The following NR3C2 variants were observed in gnomAD, a reference collection of about 807,000 sequenced individuals.
NR3C2 encodes the protein mineralocorticoid receptor.
In NR3C2, 15 loss-of-function variants were observed where a neutral mutation model predicts 86.4. That is an observed-to-expected ratio of 0.17 (90% CI 0.12 to 0.27). NR3C2 has a LOEUF of 0.27. NR3C2 is among the 10% of genes least tolerant of loss of function. NR3C2 has a pLI of 1.00. For synonymous variants in NR3C2, 458 were observed against 450.5 expected, an observed-to-expected ratio of 1.02 and a Z score of -0.21; for missense variants, 960 against 1,195.6, an observed-to-expected ratio of 0.80 and a Z score of 2.91.
chr4:148,428,850 C>T (rs1281803441), intron 2 of NR3C2, among the ~76,000 whole-genome samples: 1 of 152,144 alleles, frequency 6.6e-6, no homozygotes, highest in South Asian at 2.1e-4. Flanking sequence ...TAAGGTTTCC[C>T]CAAGTGCACT....
At chr4:148,331,544 T>C (rs1744237213) in intron 2 of NR3C2, among the ~76,000 whole-genome samples, 1 of 152,168 alleles carries the variant, frequency 6.6e-6, no homozygotes, top group South Asian at 2.1e-4. Context: ...AAAGTATATA[T>C]CCACAAAGTA....
At chr4:148,141,729 C>T (rs982394447) in intron 6 of NR3C2, among the ~76,000 whole-genome samples, 2 of 152,142 alleles carry the variant, frequency 1.3e-5, no homozygotes, top group Non-Finnish European at 2.9e-5. Flanking sequence ...CACCTCCTGT[C>T]AGATCAGCAG....
intron 2 of NR3C2, among the ~76,000 whole-genome samples, chr4:148,264,618 A>G (rs781341457): frequency 5.9e-5 from 9 of 152,172 alleles, no homozygotes; most frequent in Non-Finnish European, 1.2e-4. Flanking sequence ...CCTTTGCAAA[A>G]TCACCTCTCC....
At chr4:148,339,464 T>C (rs908468857) in intron 2 of NR3C2, among the ~76,000 whole-genome samples, 7 of 152,202 alleles carry the variant, frequency 4.6e-5, no homozygotes, top group Non-Finnish European at 1.5e-5. Context: ...TCTAAAAGAA[T>C]TAAAACAATC....
chr4:148,323,025 C>T (rs949334382), intron 2 of NR3C2, among the ~76,000 whole-genome samples: 2 of 149,256 alleles, frequency 1.3e-5, no homozygotes, highest in African/African-American at 4.9e-5. Flanking sequence ...TACTTTTGGT[C>T]TTTGATGATG....
upstream of NR3C2, among the ~76,000 whole-genome samples, chr4:148,443,423 G>A (rs1750452046): frequency 1.3e-5 from 2 of 151,724 alleles, no homozygotes; most frequent in Admixed American, 1.3e-4. Context: ...GGTGGAGGGG[G>A]TGGGTCACAT....
rs572819635 is a variant in NR3C2 at position 148,295,360 on chromosome 4, A to C, written c.1758-35243T>G. On this transcript the variant is annotated intron_variant, in intron 2 of 8. Transcript: ENST00000358102. ...CTGTCCTGAATAAAATTCAAAAGCC[A>C]CAGCCAGCCCTGGTTGAGAACCCTC... is the stretch of plus-strand genomic sequence containing the variant. Among the ~76,000 whole-genome samples the C allele has an allele frequency of 1.2e-4, 18 of 152,054 alleles. No homozygotes were observed. The South Asian group carries it at 3.7e-3, about 32-fold the overall frequency.
intron 8 of NR3C2, among the ~76,000 whole-genome samples, chr4:148,096,822 A>C (rs1380628711): frequency 1.3e-5 from 2 of 152,212 alleles, no homozygotes; most frequent in African/African-American, 4.8e-5. Flanking sequence ...GGCACAGCTG[A>C]GTAGCTGTAA....
chr4:148,170,899 C>A (rs1344923508), intron 4 of NR3C2, among the ~76,000 whole-genome samples: 3 of 152,094 alleles, frequency 2.0e-5, no homozygotes, highest in Admixed American at 6.5e-5. Context: ...TTTATTATCA[C>A]AAGACATGGC....
chr4:148,352,625 CTATT>C (rs1480952330), intron 2 of NR3C2, among the ~76,000 whole-genome samples: 6 of 152,146 alleles, frequency 3.9e-5, no homozygotes, highest in African/African-American at 1.4e-4. Context: ...TCGCTGATCT[CTATT>C]TATCTTATTC....
At chr4:148,442,669 G>A, upstream of NR3C2, 1 of 985,500 alleles carries the variant, frequency 1.0e-6, no homozygotes, top group African/African-American at 1.7e-5. Flanking sequence ...CACCAGGCGG[G>A]CGACATGACT....
chr4:148,082,871 G>C, intron 8 of NR3C2, among the ~76,000 whole-genome samples: 1 of 152,124 alleles, frequency 6.6e-6, no homozygotes, highest in African/African-American at 2.4e-5. Flanking sequence ...CGGGATGCTC[G>C]AGCTTGGTGG....
intron 3 of NR3C2, chr4:148,208,311 C>A (rs191178342): frequency 1.8e-4 from 28 of 152,408 alleles, no homozygotes; most frequent in African/African-American, 6.5e-4. Flanking sequence ...CCTTGCAGGA[C>A]TGTATTCAGC....
chr4:148,137,522 T>A (rs1733401420), intron 6 of NR3C2, among the ~76,000 whole-genome samples: 1 of 152,216 alleles, frequency 6.6e-6, no homozygotes, highest in African/African-American at 2.4e-5. Context: ...TTAGGGACTA[T>A]GTTCTATCTA....
At chr4:148,439,794 T>C (rs1233395644) in intron 1 of NR3C2, among the ~76,000 whole-genome samples, 1 of 152,208 alleles carries the variant, frequency 6.6e-6, no homozygotes, top group Admixed American at 6.5e-5. Context: ...CACTCTGCCC[T>C]AAAGCAAGAA....
intron 2 of NR3C2, among the ~76,000 whole-genome samples, chr4:148,271,975 T>C (rs915641563): frequency 1.3e-4 from 20 of 152,124 alleles, no homozygotes; most frequent in Admixed American, 1.3e-3. Context: ...CCTAAACCTG[T>C]AGATTATATA....
At chr4:148,130,716 A>G (rs1204175437) in intron 6 of NR3C2, among the ~76,000 whole-genome samples, 1 of 151,798 alleles carries the variant, frequency 6.6e-6, no homozygotes, top group African/African-American at 2.4e-5. Context: ...AAACAAAACA[A>G]AGGTTGTTTT....
intron 7 of NR3C2, among the ~76,000 whole-genome samples, chr4:148,117,019 A>G (rs1732301414): frequency 6.6e-6 from 1 of 152,250 alleles, no homozygotes; most frequent in South Asian, 2.1e-4. Flanking sequence ...CAGTGAATTT[A>G]AAGATTATAG....
chr4:148,114,675 C>T (rs991666132), intron 7 of NR3C2, among the ~76,000 whole-genome samples: 2 of 152,212 alleles, frequency 1.3e-5, no homozygotes, highest in Admixed American at 6.5e-5. Flanking sequence ...GCCACATTGC[C>T]TTGTGGCTGG....
Sources: allele counts gnomAD v4.1 joint callset (sites outside exome capture counted in the v4.1 genomes callset), GRCh38; gene constraint gnomAD v4.1.1; transcripts MANE v1.5; gene names NCBI Gene and HGNC (gene_info 2026-07-23, HGNC 2026-07-21).